The following SULT2B1 variants were observed in gnomAD, a reference collection of about 807,000 sequenced individuals.
SULT2B1 encodes sulfotransferase 2B1.
Under a neutral mutation model 33.2 loss-of-function variants are expected in SULT2B1, and 16 were observed. The ratio of observed to expected loss-of-function variants is 0.48; its 90% CI spans 0.33 to 0.73. The LOEUF is 0.73. Ranked by LOEUF, SULT2B1 falls within the 30% of genes least tolerant of loss-of-function variation. SULT2B1 has a pLI of 0.02. For missense variants in SULT2B1, 500 were observed against 506.0 expected (o/e 0.99, Z 0.11); for synonymous variants, 186 against 200.5 (o/e 0.93, Z 0.61).
intron 1 of SULT2B1, among the ~76,000 whole-genome samples, chr19:48,568,443 C>A (rs2147604654): frequency 6.6e-6 from 1 of 152,222 alleles, no homozygotes; most frequent in African/African-American, 2.4e-5. Flanking sequence ...GGCCTTGAAT[C>A]CTGTAAATGT....
At chr19:48,583,202 G>A (rs1478796072) in intron 2 of SULT2B1, among the ~76,000 whole-genome samples, 2 of 151,916 alleles carry the variant, frequency 1.3e-5, no homozygotes, top group Admixed American at 6.6e-5. Flanking sequence ...GTGTGGCAAG[G>A]ATGTTGAGAA....
At chr19:48,557,103 C>A (rs952679658) in intron 1 of SULT2B1, among the ~76,000 whole-genome samples, 1 of 151,878 alleles carries the variant, frequency 6.6e-6, no homozygotes, top group African/African-American at 2.4e-5. Context: ...AAAATAAAAA[C>A]CAAACAAGGA....
At chr19:48,574,121 C>G (rs932615068) in intron 1 of SULT2B1, among the ~76,000 whole-genome samples, 1 of 152,180 alleles carries the variant, frequency 6.6e-6, no homozygotes, top group African/African-American at 2.4e-5. Flanking sequence ...CTTGGCCTCC[C>G]AAAGTGCTGG....
chr19:48,552,273 C>T lies in SULT2B1; in HGVS notation c.21C>T (p.Pro7=). The change falls in exon 1 of 7, where the codon CCC becomes CCT. Residue 7 remains proline, a synonymous_variant. Transcript: ENST00000201586. This position sits in a 1 kb window ranked among gnomAD's most constrained non-coding sequence, Gnocchi z 4.8. MDGPAE[P]QIPGLWDTYE... ...CTGCCATGGACGGGCCCGCCGAGCC[C>T]CAGATCCCGGGCTTGTGGGACACCT... 6.2e-7 allele frequency: 1 copy of T among 1,614,016 alleles called. No homozygotes were observed. Among genetic ancestry groups the T allele is most frequent in the Non-Finnish European group, 8.5e-7 (1 of 1,179,928 alleles).
At chr19:48,592,873 C>T (rs971710187) in intron 5 of SULT2B1, 57 bp downstream of exon 5, 1 of 1,441,046 alleles carries the variant, frequency 6.9e-7, no homozygotes, top group Admixed American at 2.0e-5. Flanking sequence ...GCTCACACCC[C>T]ACACTCTCCC....
intron 1 of SULT2B1, among the ~76,000 whole-genome samples, chr19:48,574,071 A>T (rs187728111): frequency 2.0e-5 from 3 of 152,224 alleles, no homozygotes; most frequent in African/African-American, 7.2e-5. Flanking sequence ...TATGTTGCTC[A>T]TGCTGGTCTC....
intron 2 of SULT2B1, among the ~76,000 whole-genome samples, chr19:48,583,658 A>G (rs1428017164): frequency 6.6e-6 from 1 of 152,122 alleles, no homozygotes; most frequent in East Asian, 1.9e-4. Context: ...TCTCTACTAA[A>G]AATACAAAAA....
intron 1 of SULT2B1, among the ~76,000 whole-genome samples, chr19:48,568,757 G>C (rs1973277453): frequency 6.6e-6 from 1 of 152,146 alleles, no homozygotes; most frequent in Admixed American, 6.5e-5. Flanking sequence ...CTGGCAGTGA[G>C]TCAGCGGCAC....
At chr19:48,586,798 T>C (rs1568411803) in intron 2 of SULT2B1, among the ~76,000 whole-genome samples, 1 of 152,044 alleles carries the variant, frequency 6.6e-6, no homozygotes, top group Non-Finnish European at 1.5e-5. Context: ...TGTGATAAAA[T>C]AGGTGGTAAA....
At chr19:48,587,890 CAAAAAAAAAAAAAAAAAAA>C (rs67551728) in intron 3 of SULT2B1, among the ~76,000 whole-genome samples, 123 of 39,912 alleles carry the variant, frequency 3.1e-3, no homozygotes, top group African/African-American at 0.012. Context: ...AAGACTGTCT[CAAAAAAAAAAAAAAAAAAA>C]AAAAAAAAAA....
At chr19:48,587,603 G>A (rs1390782598) in intron 3 of SULT2B1, among the ~76,000 whole-genome samples, 166 bp downstream of exon 3, 1 of 152,152 alleles carries the variant, frequency 6.6e-6, no homozygotes, top group African/African-American at 2.4e-5. Flanking sequence ...AGAAATGCCT[G>A]CCCTTTGGCA....
rs529173966 is a variant in SULT2B1 at position 48,595,197 on chromosome 19, G to A, written c.646-1542G>A. Among the ~76,000 whole-genome samples, 8 of 152,098 alleles carry A rather than the reference G, an allele frequency of 5.3e-5. No individual in the cohort carries two copies. In the East Asian group the frequency reaches 1.4e-3, roughly 26 times the overall value. On this transcript the variant is annotated intron_variant, in intron 5 of 6. Coordinates refer to ENST00000201586, the MANE Select transcript of SULT2B1 (RefSeq NM_177973.2). ...CTCGGGAAGCTGAGGCAGGAGAATC[G>A]CTTGAACCCGGGAGGCAGAGGTTGC...
At chr19:48,588,525 C>T (rs1973597594) in intron 3 of SULT2B1, among the ~76,000 whole-genome samples, 1 of 148,080 alleles carries the variant, frequency 6.8e-6, no homozygotes, top group African/African-American at 2.6e-5. Context: ...AAAAAAAACC[C>T]CCATATATTA....
In SULT2B1 at chr19:48,558,991, C is replaced by T. The variant is rs567839339; in HGVS notation, c.71+6668C>T. On this transcript the variant is annotated intron_variant, in intron 1 of 6. Coordinates refer to ENST00000201586, the MANE Select transcript of SULT2B1 (RefSeq NM_177973.2). ...GTGAGCCACCGCGACTGGCCTGAAGCTGCTTTTTCTGAGACGGGCTGATCA... is the reference window on the plus strand; with the variant it reads ...GTGAGCCACCGCGACTGGCCTGAAGTTGCTTTTTCTGAGACGGGCTGATCA... 2.0e-5 allele frequency among the ~76,000 whole-genome samples: 3 copies of T among 152,128 alleles called. No individual in the cohort carries two copies. The East Asian group carries it at 5.8e-4, about 29-fold the overall frequency.
At position 48,591,312 on chromosome 19, in the gene SULT2B1, C is replaced by G. The variant is rs555371079; in HGVS notation, c.424-297C>G. On this transcript the variant is annotated intron_variant, in intron 3 of 6. Transcript: ENST00000201586. ...ATGGTAAAACCCCATCTCTACTAAACATACAAAAATTATCCTGATGTGGTG... is the reference window on the plus strand; with the variant it reads ...ATGGTAAAACCCCATCTCTACTAAAGATACAAAAATTATCCTGATGTGGTG... The G allele has an allele frequency of 2.9e-5, 7 of 243,856 alleles. No individual in the cohort carries two copies. In the South Asian group the frequency reaches 4.1e-4, roughly 14 times the overall value. The allele number at this position is 243,856 out of a possible 1,614,324, so 15.1% of individuals were successfully genotyped here.
intron 1 of SULT2B1, among the ~76,000 whole-genome samples, chr19:48,553,049 C>T (rs1973049767): frequency 6.6e-6 from 1 of 152,194 alleles, no homozygotes; most frequent in African/African-American, 2.4e-5. Flanking sequence ...GTTTCTCCTG[C>T]TCCTCACAGC....
Position 48,565,097 on chromosome 19 carries a change from G to A in SULT2B1, c.72-10844G>A, listed in dbSNP as rs1414552800. On this transcript the variant is annotated intron_variant, in intron 1 of 6. Transcript: ENST00000201586. ...AGCCACTGAGCCCAGCCTAATTTTT[G>A]TTTTTTTTAGTAGAGACAGGGTTTC... Among the ~76,000 whole-genome samples, 3 of 151,052 alleles carry A rather than the reference G, an allele frequency of 2.0e-5. No homozygotes were observed. The East Asian group carries it at 5.8e-4, about 29-fold the overall frequency.
intron 1 of SULT2B1, among the ~76,000 whole-genome samples, chr19:48,571,695 CGG>C (rs1568406664): frequency 2.3e-5 from 2 of 85,188 alleles, no homozygotes; most frequent in African/African-American, 1.1e-4. Context: ...TACATGCAAG[CGG>C]AGAAGATGGT....
intron 1 of SULT2B1, among the ~76,000 whole-genome samples, chr19:48,563,649 G>A (rs1213226717): frequency 6.6e-6 from 1 of 152,056 alleles, no homozygotes; most frequent in African/African-American, 2.4e-5. Flanking sequence ...CTGGGGACAG[G>A]GCAGGGACTG....
Sources: allele counts gnomAD v4.1 joint callset (sites outside exome capture counted in the v4.1 genomes callset), GRCh38; gene constraint gnomAD v4.1.1; non-coding constraint Gnocchi (gnomAD v3.1); transcripts MANE v1.5; gene names NCBI Gene and HGNC (gene_info 2026-07-23, HGNC 2026-07-21).